Variants in PADI1 observed in about 807,000 individuals in gnomAD.
The protein encoded by PADI1 is protein-arginine deiminase type-1.
A neutral mutation model predicts 74.8 loss-of-function variants in PADI1; 65 were observed. The observed-to-expected ratio is 0.87, with a 90% CI of 0.71 to 1.07. PADI1 has a LOEUF of 1.07. Ranked by LOEUF, PADI1 falls within the 50% of genes least tolerant of loss-of-function variation. The pLI is 0.00. For synonymous variants in PADI1, 371 were observed against 336.2 expected, an observed-to-expected ratio of 1.10 and a Z score of -1.13; for missense variants, 943 against 854.0, an observed-to-expected ratio of 1.10 and a Z score of -1.30.
intron 13 of PADI1, 41 bp downstream of exon 13, chr1:17,238,750 CT>C: frequency 9.6e-7 from 1 of 1,046,328 alleles, no homozygotes; most frequent in Non-Finnish European, 1.3e-6. Context: ...GGACCCTGCC[CT>C]TTCATCACCA....
chr1:17,214,945 C>A (rs1288367214), intron 1 of PADI1, among the ~76,000 whole-genome samples: 4 of 152,252 alleles, frequency 2.6e-5, no homozygotes, highest in Non-Finnish European at 4.4e-5. Flanking sequence ...GACCCCTCCT[C>A]CTGCCTCTTC....
chr1:17,214,063 A>C (rs1178864963), intron 1 of PADI1, among the ~76,000 whole-genome samples: 7 of 152,172 alleles, frequency 4.6e-5, no homozygotes, highest in African/African-American at 1.7e-4. Context: ...GAAGCACATA[A>C]GGTTTCTGGC....
At chr1:17,230,266 C>T (rs2072450599) in intron 9 of PADI1, 58 bp downstream of exon 9, 3 of 1,580,866 alleles carry the variant, frequency 1.9e-6, no homozygotes, top group East Asian at 2.2e-5. Flanking sequence ...AGGGAAGCCG[C>T]ACAGGTGCCT....
chr1:17,238,680 A>G lies in PADI1; in HGVS notation c.1523A>G (p.Glu508Gly). 1 of 1,549,944 alleles carries G rather than the reference A, an allele frequency of 6.5e-7. No individual in the cohort carries two copies. The highest frequency in any genetic ancestry group is 8.8e-7 in the Non-Finnish European group (1 of 1,141,344). Residue 508 changes from glutamate to glycine, a missense_variant, in exon 13 of 16, where the codon GAG becomes GGG. Transcript: ENST00000375471. ...CLKLFQEKKE[E>G]GYGEAAQFDG... The stretch of plus-strand genomic sequence containing the variant: ...AAACTCTTCCAAGAGAAGAAAGAAG[A>G]GGGTTATGGGGAGGCAGCCCAGTTT...
intron 6 of PADI1, among the ~76,000 whole-genome samples, chr1:17,227,278 T>C (rs1017782965): frequency 4.0e-5 from 6 of 148,790 alleles, no homozygotes; most frequent in Non-Finnish European, 8.9e-5. Context: ...CCGGGCCCAG[T>C]GGCTCATGCC....
chr1:17,205,436 G>A, intron 1 of PADI1, 127 bp downstream of exon 1: 1 of 755,758 alleles, frequency 1.3e-6, no homozygotes, highest in South Asian at 1.6e-5. Flanking sequence ...CAGAGAAGGT[G>A]GAGTTGGCTG....
rs1240148926 is a variant in PADI1, at chr1:17,237,376, C to T, written c.1376C>T (p.Ala459Val). ...RNFLKAQQVQ[A>V]PVELYSDWLS... is the part of the protein sequence containing the mutation. ...TTCCTGAAGGCACAGCAGGTGCAGGCACCCGTGGAGCTCTACTCGGACTGG... is the reference window on the plus strand; with the variant it reads ...TTCCTGAAGGCACAGCAGGTGCAGGTACCCGTGGAGCTCTACTCGGACTGG... The change falls in exon 12 of 16, where the codon GCA becomes GTA. Residue 459 changes from alanine (A) to valine (V), a missense_variant. Physicochemically the swap from Ala to Val is moderately conservative, Grantham distance 64. Coordinates refer to ENST00000375471, the MANE Select transcript of PADI1 (RefSeq NM_013358.3). 1.2e-6 allele frequency: 2 copies of T among 1,613,536 alleles called. No homozygotes were observed. Among genetic ancestry groups the T allele is most frequent in the African/African-American group, 2.7e-5 (2 of 74,888 alleles).
chr1:17,225,598 T>C (rs2072285105), intron 4 of PADI1, among the ~76,000 whole-genome samples: 1 of 152,162 alleles, frequency 6.6e-6, no homozygotes, highest in South Asian at 2.1e-4. Flanking sequence ...CCATTGTGTA[T>C]GGTTGTGCAG....
intron 1 of PADI1, 135 bp from the exon 2 acceptor site, chr1:17,222,155 C>A: frequency 1.5e-6 from 1 of 646,286 alleles, no homozygotes; most frequent in Non-Finnish European, 2.8e-6. Context: ...TGGCACTGCC[C>A]TGTGCCTCCC....
chr1:17,205,238 G>A lies in PADI1; in HGVS notation c.21G>A (p.Val7=). Residue 7 remains valine, a synonymous_variant, in exon 1 of 16, where the codon GTG becomes GTA. Coordinates refer to ENST00000375471, the MANE Select transcript of PADI1 (RefSeq NM_013358.3). The stretch of plus-strand genomic sequence containing the variant: ...ACAGGATGGCCCCAAAGAGAGTTGT[G>A]CAGCTGTCCCTGAAGATGCCTACCC... The part of the protein sequence containing the change: MAPKRV[V]QLSLKMPTHA... 2 of 1,614,096 alleles carry A rather than the reference G, an allele frequency of 1.2e-6. No homozygotes were observed. Among genetic ancestry groups the A allele is most frequent in the African/African-American group, 1.3e-5 (1 of 75,038 alleles).
chr1:17,219,734 A>T (rs1433069811), intron 1 of PADI1, among the ~76,000 whole-genome samples: 1 of 152,102 alleles, frequency 6.6e-6, no homozygotes, highest in African/African-American at 2.4e-5. Context: ...CTGGGGGTTT[A>T]CGGAGTGAAG....
Position 17,223,732 on chromosome 1 carries a change from C to T in PADI1, c.346+39C>T, listed in dbSNP as rs187540364. ...CCCTGGCTGCCCATCTATCCCTTTG[C>T]CCCTCCAGGTTGACTGTTTGAGGGT... is the stretch of plus-strand genomic sequence containing the variant. On this transcript the variant is annotated intron_variant, in intron 3 of 15. Transcript: ENST00000375471. 2.8e-4 allele frequency: 422 copies of T among 1,520,278 alleles called. 1 individual carries two copies. In the East Asian group the frequency reaches 9.3e-3, roughly 33 times the overall value. The allele number at this position is 1,520,278 out of a possible 1,614,324, so 94.2% of individuals were successfully genotyped here.
chr1:17,230,528 A>G (rs1296040274), intron 9 of PADI1, 44 bp from the exon 10 acceptor site: 2 of 1,397,396 alleles, frequency 1.4e-6, no homozygotes, highest in South Asian at 2.5e-5. Flanking sequence ...TCTGTAAACC[A>G]CCCGAAAAAG....
At chr1:17,227,910 T>C (rs1279470521) in intron 6 of PADI1, among the ~76,000 whole-genome samples, 2 of 152,248 alleles carry the variant, frequency 1.3e-5, no homozygotes, top group African/African-American at 4.8e-5. Flanking sequence ...TTCATATAAA[T>C]GGAACCATAC....
chr1:17,229,776 C>A (rs1436686308), intron 8 of PADI1, among the ~76,000 whole-genome samples: 1 of 152,214 alleles, frequency 6.6e-6, no homozygotes, highest in Non-Finnish European at 1.5e-5. Flanking sequence ...CTGCCCCTCA[C>A]TGCTATTTTA....
At chr1:17,220,357 G>C (rs976347942) in intron 1 of PADI1, among the ~76,000 whole-genome samples, 2 of 152,148 alleles carry the variant, frequency 1.3e-5, no homozygotes, top group Admixed American at 6.5e-5. Flanking sequence ...GGTTGTGGAG[G>C]GGGTCTGGTT....
At chr1:17,222,871 C>T (rs533736393) in intron 2 of PADI1, among the ~76,000 whole-genome samples, 43 of 152,322 alleles carry the variant, frequency 2.8e-4, no homozygotes, top group African/African-American at 6.0e-4. Context: ...TTTGTGTGCA[C>T]GGATCTCCCA....
At position 17,225,375 on chromosome 1, in the gene PADI1, C is replaced by T. The variant is rs189160765; in HGVS notation, c.409-436C>T. ...GAGCCTGCAGGACTGCATGCGGATGCCAGAGATATCTATGGGACAGGTTCC... is the reference window on the plus strand; with the variant it reads ...GAGCCTGCAGGACTGCATGCGGATGTCAGAGATATCTATGGGACAGGTTCC... On this transcript the variant is annotated intron_variant, in intron 4 of 15. Transcript: ENST00000375471. Among the ~76,000 whole-genome samples the T allele has an allele frequency of 4.0e-3, 611 of 152,264 alleles. 2 individuals carry two copies. The highest frequency in any genetic ancestry group is 6.7e-3 in the Non-Finnish European group (457 of 68,018).
chr1:17,239,719 C>T lies in PADI1; in HGVS notation c.1568C>T (p.Ala523Val). The T allele has an allele frequency of 1.9e-6, 3 of 1,613,748 alleles. No homozygotes were observed. Among genetic ancestry groups the T allele is most frequent in the Non-Finnish European group, 1.7e-6 (2 of 1,179,682 alleles). Residue 523 changes from alanine (A) to valine (V), a missense_variant, in exon 14 of 16, where the codon GCA becomes GTA. Ala to Val is a moderately conservative substitution (Grantham distance 64). Coordinates refer to ENST00000375471, the MANE Select transcript of PADI1 (RefSeq NM_013358.3). ...CTTCTTGCAGGGTTAAAACACCAGG[C>T]AAAAAGAAGCATTAATGAGATGCTG... ...AAQFDGLKHQ[A>V]KRSINEMLAD...
Sources: allele counts gnomAD v4.1 joint callset (sites outside exome capture counted in the v4.1 genomes callset), GRCh38; gene constraint gnomAD v4.1.1; transcripts MANE v1.5; gene names NCBI Gene and HGNC (gene_info 2026-07-23, HGNC 2026-07-21).